KCTD16: variants seen among roughly 807,000 people sequenced by gnomAD.
The protein encoded by KCTD16 is BTB/POZ domain-containing protein KCTD16.
In KCTD16, 13 loss-of-function variants were observed where a neutral mutation model predicts 33.2. The ratio of observed to expected loss-of-function variants is 0.39; its 90% CI spans 0.25 to 0.62. KCTD16 has a LOEUF of 0.62. Among genes scored for constraint, KCTD16 ranks in the 20% least tolerant of loss-of-function variants. The pLI, the probability that KCTD16 is intolerant of heterozygous loss-of-function variation, is 0.50. For missense variants in KCTD16, 441 were observed against 525.1 expected, an observed-to-expected ratio of 0.84 and a Z score of 1.57; for synonymous variants, 197 against 195.3, an observed-to-expected ratio of 1.01 and a Z score of -0.07.
intron 3 of KCTD16, among the ~76,000 whole-genome samples, chr5:144,422,620 A>C (rs1323627319): frequency 1.3e-5 from 2 of 152,154 alleles, no homozygotes; most frequent in African/African-American, 4.8e-5. Flanking sequence ...AAATTTTCTC[A>C]TCATCTTTGT....
intron 3 of KCTD16, among the ~76,000 whole-genome samples, chr5:144,241,527 C>A (rs748102797): frequency 1.2e-4 from 19 of 152,154 alleles, no homozygotes; most frequent in Middle Eastern, 3.4e-3. Flanking sequence ...TAATTGTATT[C>A]AAGGAGGCAA....
At chr5:144,339,694 A>G (rs1047377989) in intron 3 of KCTD16, among the ~76,000 whole-genome samples, 2 of 152,098 alleles carry the variant, frequency 1.3e-5, no homozygotes, top group Admixed American at 1.3e-4. Context: ...GTTGAGATGC[A>G]CTCATGCTTG....
At chr5:144,345,108 A>G (rs1752757324) in intron 3 of KCTD16, among the ~76,000 whole-genome samples, 1 of 151,684 alleles carries the variant, frequency 6.6e-6, no homozygotes, top group Non-Finnish European at 1.5e-5. Context: ...TGCAAGGACA[A>G]AAAACCAAAC....
At chr5:144,467,037 TA>T (rs1754355612) in intron 3 of KCTD16, among the ~76,000 whole-genome samples, 1 of 59,648 alleles carries the variant, frequency 1.7e-5, no homozygotes, top group African/African-American at 4.9e-5. Context: ...CTATATATTA[TA>T]TATAATATAT....
intron 3 of KCTD16, among the ~76,000 whole-genome samples, chr5:144,270,139 C>A (rs1176798835): frequency 2.0e-5 from 3 of 151,812 alleles, no homozygotes; most frequent in Non-Finnish European, 4.4e-5. Context: ...CTTTCCTTAT[C>A]AGTAATACTT....
Position 144,471,080 on chromosome 5 carries a change from T to G in KCTD16, c.833-2580T>G, listed in dbSNP as rs1006397827. ...CTGTAGTCCCTGCTACTCAAGAGGCTGAGGCAGGAGAATCACTTGAACCTA... is the reference window on the plus strand; with the variant it reads ...CTGTAGTCCCTGCTACTCAAGAGGCGGAGGCAGGAGAATCACTTGAACCTA... On this transcript the variant is annotated intron_variant, in intron 3 of 3. Coordinates refer to ENST00000512467, the MANE Select transcript of KCTD16 (RefSeq NM_020768.4). 3.3e-5 allele frequency among the ~76,000 whole-genome samples: 5 copies of G among 152,266 alleles called. 1 individual carries two copies. The Middle Eastern group carries it at 0.014, about 417-fold the overall frequency.
intron 3 of KCTD16, among the ~76,000 whole-genome samples, chr5:144,426,080 C>T (rs1035518500): frequency 9.2e-5 from 14 of 152,046 alleles, no homozygotes; most frequent in Admixed American, 6.6e-4. Context: ...TTTCTTGCAT[C>T]TCACTGTATG....
At chr5:144,234,039 G>A (rs1754179488) in intron 3 of KCTD16, among the ~76,000 whole-genome samples, 1 of 152,146 alleles carries the variant, frequency 6.6e-6, no homozygotes, top group African/African-American at 2.4e-5. Flanking sequence ...AGGAAGAGAT[G>A]ATCCATTGTG....
chr5:144,398,695 T>TAC (rs879556314), intron 3 of KCTD16, among the ~76,000 whole-genome samples: 12 of 148,874 alleles, frequency 8.1e-5, no homozygotes, highest in East Asian at 3.9e-4. Context: ...TTGAATATAT[T>TAC]ACACACACAC....
chr5:144,366,335 G>A (rs2126920307), intron 3 of KCTD16, among the ~76,000 whole-genome samples: 1 of 152,316 alleles, frequency 6.6e-6, no homozygotes, highest in South Asian at 2.1e-4. Flanking sequence ...AAAGAGGGAT[G>A]TAAGGATATT....
At chr5:144,308,815 A>C (rs914529569) in intron 3 of KCTD16, among the ~76,000 whole-genome samples, 1 of 151,340 alleles carries the variant, frequency 6.6e-6, no homozygotes, top group Non-Finnish European at 1.5e-5. Context: ...AGTGAAAGCA[A>C]AAGAGGACAA....
chr5:144,479,659 T>C lies in KCTD16; in HGVS notation c.*5545T>C, dbSNP rs747894178. 6.6e-6 allele frequency: 1 copy of C among 151,966 alleles called. No individual in the cohort carries two copies. Among genetic ancestry groups the C allele is most frequent in the Non-Finnish European group, 1.5e-5 (1 of 67,920 alleles). 9.4% of individuals were successfully genotyped at this position (151,966 alleles called of 1,614,324 possible). A position where few individuals can be genotyped will look rare whatever the true frequency, so the allele number is the denominator to read the frequency against. On this transcript the variant is annotated 3_prime_UTR_variant, in exon 4 of 4. Coordinates refer to ENST00000512467, the MANE Select transcript of KCTD16 (RefSeq NM_020768.4). Reference sequence around the variant, plus strand: ...AAATGGTTAAATTTGATTCAGTTTGTTGCCCTCTCTCCTCTACTTCCTAAG... The same window carrying C: ...AAATGGTTAAATTTGATTCAGTTTGCTGCCCTCTCTCCTCTACTTCCTAAG...
chr5:144,387,667 G>C (rs550499107), intron 3 of KCTD16, among the ~76,000 whole-genome samples: 1 of 152,276 alleles, frequency 6.6e-6, no homozygotes, highest in East Asian at 1.9e-4. Flanking sequence ...TGAGGGATTA[G>C]GGAACTCAGG....
intron 3 of KCTD16, among the ~76,000 whole-genome samples, chr5:144,458,035 A>C (rs890292099): frequency 2.6e-5 from 4 of 152,224 alleles, no homozygotes; most frequent in African/African-American, 9.6e-5. Context: ...GTGCAAATTC[A>C]TTCTCTTCAC....
intron 3 of KCTD16, among the ~76,000 whole-genome samples, chr5:144,340,934 C>T (rs1752622175): frequency 6.6e-6 from 1 of 151,750 alleles, no homozygotes; most frequent in Non-Finnish European, 1.5e-5. Context: ...CCTGTAATCC[C>T]AGCTACTAGG....
At chr5:144,308,777 G>T (rs552345150) in intron 3 of KCTD16, among the ~76,000 whole-genome samples, 1 of 151,796 alleles carries the variant, frequency 6.6e-6, no homozygotes, top group East Asian at 1.9e-4. Context: ...GGGGTAGGGT[G>T]GGTGCAAAAC....
intron 2 of KCTD16, among the ~76,000 whole-genome samples, chr5:144,180,996 G>A (rs947653989): frequency 6.6e-6 from 1 of 151,088 alleles, no homozygotes; most frequent in Non-Finnish European, 1.5e-5. Flanking sequence ...GCAGTGGCGC[G>A]ATCTCGGCTC....
At chr5:144,299,098 A>ATATATATATCACTATG (rs1756142449) in intron 3 of KCTD16, among the ~76,000 whole-genome samples, 2 of 9,038 alleles carry the variant, frequency 2.2e-4, no homozygotes, top group African/African-American at 6.1e-4. Flanking sequence ...ATCACTATGT[A>ATATATATATCACTATG]TATATATATA....
chr5:144,408,006 G>A (rs141999283), intron 3 of KCTD16, among the ~76,000 whole-genome samples: 275 of 152,234 alleles, frequency 1.8e-3, no homozygotes, highest in African/African-American at 6.3e-3. Context: ...ATAAACATAC[G>A]TGTGCATGTG....
Sources: allele counts gnomAD v4.1 joint callset (sites outside exome capture counted in the v4.1 genomes callset), GRCh38; gene constraint gnomAD v4.1.1; transcripts MANE v1.5; gene names NCBI Gene and HGNC (gene_info 2026-07-23, HGNC 2026-07-21).